Variants in CD44 observed in about 807,000 individuals in gnomAD.
CD44 encodes CD44 antigen.
In CD44, 49 loss-of-function variants were observed where a neutral mutation model predicts 88.8. The observed-to-expected ratio is 0.55, with a 90% CI of 0.44 to 0.70. CD44 has a LOEUF of 0.70. CD44 is among the 30% of genes least tolerant of loss of function. CD44 has a pLI of 0.00. For missense variants in CD44, 883 were observed against 913.8 expected, an observed-to-expected ratio of 0.97 and a Z score of 0.43; for synonymous variants, 325 against 312.3, an observed-to-expected ratio of 1.04 and a Z score of -0.43.
At chr11:35,164,123 G>A (rs1942987519) in intron 1 of CD44, among the ~76,000 whole-genome samples, 1 of 152,028 alleles carries the variant, frequency 6.6e-6, no homozygotes, top group Non-Finnish European at 1.5e-5. Context: ...GAGCCTTAGT[G>A]TTACAGCCAC....
chr11:35,224,405 GATACT>G (rs1323186145), intron 17 of CD44, among the ~76,000 whole-genome samples: 26 of 152,182 alleles, frequency 1.7e-4, no homozygotes, highest in Non-Finnish European at 2.4e-4. Flanking sequence ...TGGGTTGATA[GATACT>G]GCGTGAGGCT....
intron 11 of CD44, among the ~76,000 whole-genome samples, 194 bp from the exon 12 acceptor site, chr11:35,207,911 A>G (rs1434642894): frequency 1.3e-5 from 2 of 152,346 alleles, no homozygotes; most frequent in East Asian, 3.9e-4. Flanking sequence ...CGGCCCTTCA[A>G]GGAAAGCCAG....
At chr11:35,144,253 G>A (rs187116) in intron 1 of CD44, among the ~76,000 whole-genome samples, 83,568 of 152,090 alleles carry the variant, frequency 0.55, 24,654 homozygotes, top group African/African-American at 0.77. Context: ...GTGCTTCCCC[G>A]GCACCTTCGC....
intron 10 of CD44, 156 bp from the exon 11 acceptor site, chr11:35,205,956 C>T: frequency 7.8e-7 from 1 of 1,280,070 alleles, no homozygotes; most frequent in Non-Finnish European, 9.9e-7. Flanking sequence ...GCTGCTGAAA[C>T]ATTCTGCGTT....
chr11:35,139,202 G>T lies in CD44; in HGVS notation c.-102G>T, dbSNP rs1857399543. 1 of 875,906 alleles carries T rather than the reference G, an allele frequency of 1.1e-6. No homozygotes were observed. Among genetic ancestry groups the T allele is most frequent in the African/African-American group, 1.7e-5 (1 of 60,070 alleles). The allele number at this position is 875,906 out of a possible 1,614,324, so 54.3% of individuals were successfully genotyped here. A position where few individuals can be genotyped will look rare whatever the true frequency, so the allele number is the denominator to read the frequency against. ...GCCCAGCGGACCCCAGCCTCTGCCAGGTTCGGTCCGCCATCCTCGTCCCGT... is the reference window on the plus strand; with the variant it reads ...GCCCAGCGGACCCCAGCCTCTGCCATGTTCGGTCCGCCATCCTCGTCCCGT... On this transcript the variant is annotated 5_prime_UTR_variant, in exon 1 of 18. In the 5' UTR this introduces an upstream ATG that the reference lacks. Transcript: ENST00000428726.
intron 14 of CD44, among the ~76,000 whole-genome samples, chr11:35,212,082 T>C (rs1296459922): frequency 6.6e-6 from 1 of 152,222 alleles, no homozygotes; most frequent in Non-Finnish European, 1.5e-5. Context: ...AGATAATTTA[T>C]TCAATGAAGT....
chr11:35,152,269 G>A (rs1860459530), intron 1 of CD44, among the ~76,000 whole-genome samples: 1 of 152,148 alleles, frequency 6.6e-6, no homozygotes, highest in African/African-American at 2.4e-5. Flanking sequence ...CTCACTCTGG[G>A]CCACTCAAGT....
In CD44 at chr11:35,198,749, C is replaced by T. The variant is rs149107170; in HGVS notation, c.922+503C>T. ...ATCCCAGCACCCTGGGAGGCCGAGG[C>T]GGGCAGATGACGAGGTCAGGAGATC... On this transcript the variant is annotated intron_variant, in intron 7 of 17. Transcript: ENST00000428726. Among the ~76,000 whole-genome samples, 1,141 of 152,072 alleles carry T rather than the reference C, an allele frequency of 7.5e-3. 17 individuals carry two copies. The highest frequency in any genetic ancestry group is 0.026 in the African/African-American group (1,085 of 41,490).
At chr11:35,195,995 G>A (rs1443233824) in intron 5 of CD44, among the ~76,000 whole-genome samples, 5 of 152,146 alleles carry the variant, frequency 3.3e-5, no homozygotes, top group African/African-American at 4.8e-5. Flanking sequence ...GGATTGCTAA[G>A]ATTATGTATC....
chr11:35,214,840 TG>T lies in CD44; in HGVS notation c.1811-11del. ...AACATGCAGTACTGACCTTCCTGAT[TG>T]CTCATTACAGGAGACCAAGACACAT... is the stretch of plus-strand genomic sequence containing the variant. On this transcript the variant is annotated splice_polypyrimidine_tract_variant and intron_variant, in intron 14 of 17. Transcript: ENST00000428726. 1 of 1,505,930 alleles carries T rather than the reference TG, an allele frequency of 6.6e-7. No homozygotes were observed. The highest frequency in any genetic ancestry group is 8.9e-7 in the Non-Finnish European group (1 of 1,120,050). The allele number at this position is 1,505,930 out of a possible 1,614,324, so 93.3% of individuals were successfully genotyped here. A position where few individuals can be genotyped will look rare whatever the true frequency, so the allele number is the denominator to read the frequency against.
intron 1 of CD44, among the ~76,000 whole-genome samples, chr11:35,156,955 G>A (rs1941946012): frequency 6.6e-6 from 1 of 152,168 alleles, no homozygotes; most frequent in African/African-American, 2.4e-5. Flanking sequence ...GAGTGCTTGG[G>A]CCCAGGAGTT....
rs1426506345 is a variant in CD44, at chr11:35,186,861, A to G, written c.397A>G (p.Thr133Ala). Residue 133 changes from threonine (T) to alanine (A), a missense_variant, in exon 4 of 18, where the codon ACA becomes GCA. Coordinates refer to ENST00000428726, the MANE Select transcript of CD44 (RefSeq NM_000610.4). ...ACCTGAAGAAGATTGTACATCAGTC[A>G]CAGACCTGCCCAATGCCTTTGATGG... ...APPEEDCTSV[T>A]DLPNAFDGPI... 6.2e-7 allele frequency: 1 copy of G among 1,608,492 alleles called. No homozygotes were observed. The highest frequency in any genetic ancestry group is 8.5e-7 in the Non-Finnish European group (1 of 1,174,886).
chr11:35,186,758 C>A, intron 3 of CD44, 74 bp from the exon 4 acceptor site: 1 of 845,568 alleles, frequency 1.2e-6, no homozygotes, highest in South Asian at 1.4e-5. Flanking sequence ...TCCATTCTAA[C>A]TGACTAATAA....
chr11:35,174,394 G>T (rs11033013), intron 1 of CD44, among the ~76,000 whole-genome samples: 3 of 152,024 alleles, frequency 2.0e-5, no homozygotes, highest in South Asian at 2.1e-4. Context: ...TGTCCCAAGA[G>T]GATGTCAACA....
At chr11:35,177,281 T>G (rs574338565) in intron 2 of CD44, among the ~76,000 whole-genome samples, 50 of 152,324 alleles carry the variant, frequency 3.3e-4, no homozygotes, top group African/African-American at 8.7e-4. Flanking sequence ...ATATTATTTT[T>G]GGGAGCCCTG....
chr11:35,173,601 A>G (rs1003916670), intron 1 of CD44, among the ~76,000 whole-genome samples: 3 of 152,200 alleles, frequency 2.0e-5, no homozygotes, highest in African/African-American at 7.2e-5. Flanking sequence ...AATAATAGAC[A>G]TTGGCTTATG....
chr11:35,156,102 G>A (rs1231949142), intron 1 of CD44, among the ~76,000 whole-genome samples: 1 of 152,158 alleles, frequency 6.6e-6, no homozygotes, highest in African/African-American at 2.4e-5. Flanking sequence ...TTACTTTCAA[G>A]GGGTCTGGAA....
intron 1 of CD44, among the ~76,000 whole-genome samples, chr11:35,158,617 A>G (rs1942209505): frequency 6.6e-6 from 1 of 152,116 alleles, no homozygotes; most frequent in Non-Finnish European, 1.5e-5. Context: ...TCCATTCACC[A>G]TTTGCCCCAA....
intron 5 of CD44, among the ~76,000 whole-genome samples, chr11:35,193,197 A>G (rs1476488904): frequency 6.6e-6 from 1 of 152,160 alleles, no homozygotes; most frequent in Non-Finnish European, 1.5e-5. Context: ...TTGGAAGAAG[A>G]ATTGTCCTGG....
Sources: allele counts gnomAD v4.1 joint callset (sites outside exome capture counted in the v4.1 genomes callset), GRCh38; gene constraint gnomAD v4.1.1; transcripts MANE v1.5; gene names NCBI Gene and HGNC (gene_info 2026-07-23, HGNC 2026-07-21).